GPC5: variants seen among roughly 807,000 people sequenced by gnomAD.
GPC5 encodes the protein glypican 5, also known as glypican-5.
GPC5 carries 47 observed loss-of-function variants against 53.9 expected under a neutral mutation model. The ratio of observed to expected loss-of-function variants is 0.87; its 90% CI spans 0.69 to 1.11. The LOEUF is 1.11. GPC5 is among the 50% of genes most tolerant of loss of function. The probability of loss-of-function intolerance (pLI) is 0.00; values close to 1 mark genes in which losing one functional copy is unlikely to be tolerated. For synonymous variants in GPC5, 286 were observed against 263.3 expected (o/e 1.09, Z -0.84); for missense variants, 748 against 713.1 (o/e 1.05, Z -0.56).
intron 7 of GPC5, among the ~76,000 whole-genome samples, chr13:92,311,082 A>G (rs549761170): frequency 6.6e-6 from 1 of 152,352 alleles, no homozygotes; most frequent in Non-Finnish European, 1.5e-5. Flanking sequence ...GGAAAGAGCC[A>G]CTTTATATCT....
intron 2 of GPC5, among the ~76,000 whole-genome samples, chr13:91,653,162 C>T (rs2034758481): frequency 6.6e-6 from 1 of 152,216 alleles, no homozygotes; most frequent in Non-Finnish European, 1.5e-5. Flanking sequence ...AGGACTGCCT[C>T]TTCCACTTTT....
chr13:92,530,519 T>A (rs2138986569), intron 7 of GPC5, among the ~76,000 whole-genome samples: 1 of 152,308 alleles, frequency 6.6e-6, no homozygotes, highest in East Asian at 1.9e-4. Flanking sequence ...GTAGAATACG[T>A]ACTTCCAGCC....
chr13:92,194,475 G>A (rs2042244191), intron 7 of GPC5, among the ~76,000 whole-genome samples: 1 of 152,186 alleles, frequency 6.6e-6, no homozygotes, highest in Non-Finnish European at 1.5e-5. Flanking sequence ...AATTTTGAAA[G>A]GTGCTAGGCT....
chr13:92,131,588 C>G (rs966127904), intron 6 of GPC5, among the ~76,000 whole-genome samples: 1 of 151,922 alleles, frequency 6.6e-6, no homozygotes, highest in African/African-American at 2.4e-5. Context: ...AGCATGTATA[C>G]TGCATGATAC....
chr13:91,408,094 A>C (rs543231085), intron 1 of GPC5, among the ~76,000 whole-genome samples: 1 of 152,042 alleles, frequency 6.6e-6, no homozygotes, highest in Non-Finnish European at 1.5e-5. Context: ...AGCATTTTTC[A>C]AGAATACAAT....
At chr13:91,887,303 T>C (rs968710451) in intron 5 of GPC5, among the ~76,000 whole-genome samples, 3 of 152,162 alleles carry the variant, frequency 2.0e-5, no homozygotes, top group African/African-American at 4.8e-5. Context: ...ACCAAGTCTC[T>C]AGGCTGCACA....
chr13:91,875,489 G>A (rs1018201160), intron 5 of GPC5, among the ~76,000 whole-genome samples: 19 of 152,134 alleles, frequency 1.2e-4, no homozygotes, highest in Non-Finnish European at 2.1e-4. Flanking sequence ...TTCAAAGAGA[G>A]ATACTACTTA....
chr13:91,733,780 A>T (rs2036754405), intron 4 of GPC5, among the ~76,000 whole-genome samples: 1 of 152,164 alleles, frequency 6.6e-6, no homozygotes, highest in Admixed American at 6.5e-5. Context: ...GAAAACAGAG[A>T]CAAGTTAATA....
At chr13:92,190,958 A>C (rs1157747999) in intron 7 of GPC5, among the ~76,000 whole-genome samples, 1 of 152,160 alleles carries the variant, frequency 6.6e-6, no homozygotes, top group Non-Finnish European at 1.5e-5. Flanking sequence ...ACCTACCTAT[A>C]TGTTGTCTAT....
chr13:91,807,219 C>CT (rs1416444182), intron 5 of GPC5, among the ~76,000 whole-genome samples: 1 of 152,066 alleles, frequency 6.6e-6, no homozygotes, highest in Admixed American at 6.6e-5. Flanking sequence ...CAGATTTTAC[C>CT]TTTTTTGATA....
intron 6 of GPC5, among the ~76,000 whole-genome samples, chr13:91,955,566 G>A (rs2040065464): frequency 6.6e-6 from 1 of 152,158 alleles, no homozygotes; most frequent in South Asian, 2.1e-4. Context: ...GCCCACAGAG[G>A]CACCCCAACT....
chr13:91,491,792 A>C (rs1354428639), intron 2 of GPC5, among the ~76,000 whole-genome samples: 1 of 152,110 alleles, frequency 6.6e-6, no homozygotes, highest in East Asian at 1.9e-4. Flanking sequence ...CCTGTCTTCT[A>C]TAAGTAATGC....
chr13:91,959,103 T>C (rs910702060), intron 6 of GPC5, among the ~76,000 whole-genome samples: 4 of 82,420 alleles, frequency 4.9e-5, no homozygotes, highest in East Asian at 5.0e-4. Context: ...CACACACACA[T>C]CAATGATGAA....
chr13:91,869,324 G>A (rs780729506), intron 5 of GPC5, among the ~76,000 whole-genome samples: 8 of 152,008 alleles, frequency 5.3e-5, no homozygotes, highest in Non-Finnish European at 1.0e-4. Context: ...CTCCCAAAGT[G>A]CTGGGATTAT....
intron 7 of GPC5, among the ~76,000 whole-genome samples, chr13:92,725,527 T>A (rs1233040613): frequency 6.6e-6 from 1 of 151,658 alleles, no homozygotes; most frequent in Non-Finnish European, 1.5e-5. Flanking sequence ...AAGAATTGAC[T>A]AGAATATACC....
At chr13:92,378,740 G>A (rs2043714745) in intron 7 of GPC5, among the ~76,000 whole-genome samples, 1 of 152,068 alleles carries the variant, frequency 6.6e-6, no homozygotes, top group Non-Finnish European at 1.5e-5. Flanking sequence ...AATTATCTAT[G>A]TGTATGTTTT....
chr13:91,513,015 T>C (rs1165313280), intron 2 of GPC5, among the ~76,000 whole-genome samples: 2 of 152,224 alleles, frequency 1.3e-5, no homozygotes, highest in East Asian at 1.9e-4. Flanking sequence ...TCATTGTTAT[T>C]ATTTAAGCTC....
In GPC5 at chr13:92,215,514, A is replaced by G. The variant is rs1594004738; in HGVS notation, c.1561+70525A>G. Among the ~76,000 whole-genome samples the G allele has an allele frequency of 3.3e-5, 5 of 152,304 alleles. No individual in the cohort carries two copies. The East Asian group carries it at 9.7e-4, about 29-fold the overall frequency. ...TGTGGGTTGCTTCTATCTGAAATCA[A>G]CAAGTGATTATGAACTGGTGACTCT... On this transcript the variant is annotated intron_variant, in intron 7 of 7. Transcript: ENST00000377067.
intron 2 of GPC5, among the ~76,000 whole-genome samples, chr13:91,646,787 G>A (rs2034568142): frequency 6.6e-6 from 1 of 152,054 alleles, no homozygotes; most frequent in Non-Finnish European, 1.5e-5. Flanking sequence ...GGATATAAAT[G>A]TGATCAGAAA....
Sources: gnomAD v4.1 joint callset for allele counts (sites outside exome capture counted in the v4.1 genomes callset) on GRCh38, gnomAD v4.1.1 for gene constraint, MANE v1.5 for transcripts, NCBI Gene and HGNC (gene_info 2026-07-23, HGNC 2026-07-21) for gene names.